NME4: variants seen among roughly 807,000 people sequenced by gnomAD.
NME4 encodes the protein NME/NM23 nucleoside diphosphate kinase 4, also known as nucleoside diphosphate kinase D, mitochondrial.
NME4 carries 21 observed loss-of-function variants against 16.4 expected under a neutral mutation model. That is an observed-to-expected ratio of 1.28 (90% CI 0.91 to 1.84). The LOEUF (loss-of-function observed/expected upper bound fraction) is 1.84, where lower values mean the gene tolerates loss of function less well. Among genes scored for constraint, NME4 ranks in the 40% most tolerant of loss-of-function variants. The probability of loss-of-function intolerance (pLI) is 0.00; values close to 1 mark genes in which losing one functional copy is unlikely to be tolerated. For synonymous variants in NME4, 132 were observed against 107.5 expected, an observed-to-expected ratio of 1.23 and a Z score of -1.41; for missense variants, 316 against 261.3, an observed-to-expected ratio of 1.21 and a Z score of -1.44.
intron 1 of NME4, chr16:398,394 A>T: frequency 8.1e-7 from 1 of 1,238,756 alleles, no homozygotes; most frequent in Non-Finnish European, 1.0e-6. Context: ...TGGTGGGGAA[A>T]GTGTGTTTCT....
At position 399,006 on chromosome 16, in the gene NME4, C is replaced by T. The variant is rs1322419990; in HGVS notation, c.108C>T (p.Thr36=). The T allele has an allele frequency of 1.2e-5, 20 of 1,610,242 alleles. No homozygotes were observed. The highest frequency in any genetic ancestry group is 1.7e-4 in the Middle Eastern group (1 of 6,058). The stretch of plus-strand genomic sequence containing the variant: ...CTTTTGAAGGAGGGCCCTCCTGGAC[C>T]CGGGAGCGGACCCTGGTGGCGGTGA... ...VRHGSGGPSW[T]RERTLVAVKP... The change falls in exon 2 of 5, where the codon ACC becomes ACT. Residue 36 remains threonine (T), a synonymous_variant. Coordinates refer to ENST00000219479, the MANE Select transcript of NME4 (RefSeq NM_005009.3).
Position 397,912 on chromosome 16 carries a change from C to T in NME4, c.91+599C>T, listed in dbSNP as rs554851746. 50 of 1,552,000 alleles carry T rather than the reference C, an allele frequency of 3.2e-5. 1 individual carries two copies. In the South Asian group the frequency reaches 4.9e-4, roughly 15 times the overall value. ...CCATCGGCTCTGAAAAGTGAGCCGCCGCCTGCAATGCCCGCACCAGCCGCA... is the reference window on the plus strand; with the variant it reads ...CCATCGGCTCTGAAAAGTGAGCCGCTGCCTGCAATGCCCGCACCAGCCGCA... On this transcript the variant is annotated intron_variant, in intron 1 of 4. Transcript: ENST00000219479.
intron 1 of NME4, chr16:397,836 C>T (rs1277550018): frequency 3.9e-6 from 6 of 1,535,460 alleles, no homozygotes; most frequent in Non-Finnish European, 5.2e-6. Flanking sequence ...CGCCGCTGCC[C>T]GGCCCCCCCA....
upstream of NME4, chr16:397,016 GATTC>G (rs1567333070): frequency 2.6e-5 from 4 of 153,318 alleles, no homozygotes; most frequent in African/African-American, 9.7e-5. Flanking sequence ...ATTCGAGAAG[GATTC>G]ATTATTATTT....
upstream of NME4, chr16:397,130 GGGGGGCTCCCGGGCGGGC>G (rs1472518717): frequency 7.5e-6 from 2 of 267,120 alleles, no homozygotes; most frequent in Non-Finnish European, 1.0e-5. Context: ...CCGGGGCGGC[GGGGGGCTCCCGGGCGGGC>G]GGGGGCGGGT....
chr16:397,830 G>C (rs1306309084), intron 1 of NME4: 1 of 1,533,300 alleles, frequency 6.5e-7, no homozygotes, highest in African/African-American at 1.4e-5. Flanking sequence ...CGGCCCCGCC[G>C]CTGCCCGGCC....
At chr16:398,223 A>AGGACG in intron 1 of NME4, 1 of 1,447,222 alleles carries the variant, frequency 6.9e-7, no homozygotes, top group East Asian at 3.2e-5. Context: ...CCTCCAGAGG[A>AGGACG]GGACGGCTGG....
chr16:400,205 C>T lies in NME4; in HGVS notation c.441-14C>T, dbSNP rs1266691728. 5 of 1,610,694 alleles carry T rather than the reference C, an allele frequency of 3.1e-6. No individual in the cohort carries two copies. The highest frequency in any genetic ancestry group is 1.7e-5 in the Admixed American group (1 of 59,800). The stretch of plus-strand genomic sequence containing the variant: ...ATGAAGCCTGAGCCTCACATTGCTC[C>T]TGTCCTGGCACAGGAATGTCATCCA... On this transcript the variant is annotated splice_polypyrimidine_tract_variant and intron_variant, in intron 4 of 4. Coordinates refer to ENST00000219479, the MANE Select transcript of NME4 (RefSeq NM_005009.3).
At position 397,199 on chromosome 16, in the gene NME4, A is replaced by T. The variant is rs1330462898; in HGVS notation, c.-24A>T. On this transcript the variant is annotated 5_prime_UTR_variant, in exon 1 of 5. Transcript: ENST00000219479. ...CCCTCCGCGCCCGCTCCTCGCGCTC[A>T]CAGCGGCCCGCGGGCCGGGCGTCAT... 1.0e-6 allele frequency: 1 copy of T among 983,808 alleles called. No individual in the cohort carries two copies. Among genetic ancestry groups the T allele is most frequent in the South Asian group, 4.6e-5 (1 of 21,580 alleles). 60.9% of individuals were successfully genotyped at this position (983,808 alleles called of 1,614,324 possible).
Position 400,625 on chromosome 16 carries a change from C to T in NME4, c.*283C>T, listed in dbSNP as rs2141796034. On this transcript the variant is annotated 3_prime_UTR_variant, in exon 5 of 5. Transcript: ENST00000219479. ...CATAACCTCTCCTCTAAAGGGGAGGCATTAAAATTCACTGTGCCCAGCACA... is the reference window on the plus strand; with the variant it reads ...CATAACCTCTCCTCTAAAGGGGAGGTATTAAAATTCACTGTGCCCAGCACA... 3 of 390,520 alleles carry T rather than the reference C, an allele frequency of 7.7e-6. No homozygotes were observed. The highest frequency in any genetic ancestry group is 1.3e-4 in the South Asian group (2 of 15,742). The allele number at this position is 390,520 out of a possible 1,614,324, so 24.2% of individuals were successfully genotyped here.
chr16:399,327 C>A, intron 2 of NME4, 52 bp from the exon 3 acceptor site: 1 of 1,551,002 alleles, frequency 6.4e-7, no homozygotes, highest in Non-Finnish European at 8.9e-7. Flanking sequence ...AGCTGCTGTG[C>A]TAGTGCCCAC....
chr16:398,080 C>A (rs2054586001), intron 1 of NME4: 3 of 1,529,874 alleles, frequency 2.0e-6, no homozygotes, highest in Non-Finnish European at 1.8e-6. Flanking sequence ...TTGGCTCTGT[C>A]CAGATTCTGT....
At position 400,327 on chromosome 16, in the gene NME4, C is replaced by A; in HGVS notation, c.549C>A (p.Ser183Arg). 1 of 1,603,906 alleles carries A rather than the reference C, an allele frequency of 6.2e-7. No homozygotes were observed. The highest frequency in any genetic ancestry group is 8.5e-7 in the Non-Finnish European group (1 of 1,178,272). The change falls in exon 5 of 5, where the codon AGC becomes AGA. Residue 183 changes from serine to arginine, a missense_variant. Transcript: ENST00000219479. ...GGGCAGACGGGGGCCAGCACAGCAG[C>A]ATCCACCCAGCCTGAGGCTCAAGCT... is the stretch of plus-strand genomic sequence containing the variant. Reference protein sequence around the residue: ...VSWADGGQHSSIHPA With the variant: ...VSWADGGQHSRIHPA
chr16:399,035 C>CCGATGG lies in NME4; in HGVS notation c.140_145dup (p.Asp47_Gly48dup). On this transcript the variant is annotated inframe_insertion, in exon 2 of 5. Coordinates refer to ENST00000219479, the MANE Select transcript of NME4 (RefSeq NM_005009.3). The stretch of plus-strand genomic sequence containing the variant: ...GAGCGGACCCTGGTGGCGGTGAAGC[C>CCGATGG]CGATGGCGTGCAACGGCGGCTCGTT... 6.2e-7 allele frequency: 1 copy of CCGATGG among 1,609,310 alleles called. No homozygotes were observed. The highest frequency in any genetic ancestry group is 8.5e-7 in the Non-Finnish European group (1 of 1,179,796).
At chr16:398,811 A>G in intron 1 of NME4, 179 bp from the exon 2 acceptor site, 1 of 787,302 alleles carries the variant, frequency 1.3e-6, no homozygotes, top group Non-Finnish European at 2.0e-6. Context: ...GGTGTCCCTG[A>G]CAGGGACTAT....
intron 2 of NME4, 52 bp from the exon 3 acceptor site, chr16:399,327 C>T (rs2141790550): frequency 6.4e-7 from 1 of 1,551,002 alleles, no homozygotes; most frequent in Non-Finnish European, 8.9e-7. Context: ...AGCTGCTGTG[C>T]TAGTGCCCAC....
In NME4 at chr16:397,199, A is replaced by C; in HGVS notation, c.-24A>C. On this transcript the variant is annotated 5_prime_UTR_variant, in exon 1 of 5. Transcript: ENST00000219479. ...CCCTCCGCGCCCGCTCCTCGCGCTC[A>C]CAGCGGCCCGCGGGCCGGGCGTCAT... The C allele has an allele frequency of 1.0e-6, 1 of 983,808 alleles. No individual in the cohort carries two copies. The highest frequency in any genetic ancestry group is 4.6e-5 in the South Asian group (1 of 21,580). The allele number at this position is 983,808 out of a possible 1,614,324, so 60.9% of individuals were successfully genotyped here. A position where few individuals can be genotyped will look rare whatever the true frequency, so the allele number is the denominator to read the frequency against.
rs1371214342 is a variant in NME4 at position 400,349 on chromosome 16, A to G, written c.*7A>G. 1.9e-6 allele frequency: 3 copies of G among 1,598,422 alleles called. No homozygotes were observed. The highest frequency in any genetic ancestry group is 1.7e-5 in the Admixed American group (1 of 57,280). On this transcript the variant is annotated 3_prime_UTR_variant, in exon 5 of 5. Coordinates refer to ENST00000219479, the MANE Select transcript of NME4 (RefSeq NM_005009.3). ...CAGCATCCACCCAGCCTGAGGCTCA[A>G]GCTGCCCTTACCACCCCATCCCCCA...
intron 1 of NME4, 24 bp downstream of exon 1, chr16:397,337 C>CTCGGGTGAGT: frequency 3.1e-6 from 3 of 964,668 alleles, no homozygotes; most frequent in Non-Finnish European, 3.8e-6. Flanking sequence ...CGCGCCCCGG[C>CTCGGGTGAGT]GGGGACGCGG....
Sources: allele counts gnomAD v4.1 joint callset, GRCh38; gene constraint gnomAD v4.1.1; transcripts MANE v1.5; gene names NCBI Gene and HGNC (gene_info 2026-07-23, HGNC 2026-07-21).